The following VIRMA variants were observed in gnomAD, a reference collection of about 807,000 sequenced individuals.
VIRMA encodes protein virilizer homolog.
In VIRMA, 65 loss-of-function variants were observed where a neutral mutation model predicts 182.4. That is an observed-to-expected ratio of 0.36 (90% CI 0.29 to 0.44). The LOEUF (loss-of-function observed/expected upper bound fraction) is 0.44, where lower values mean the gene tolerates loss of function less well. Ranked by LOEUF, VIRMA falls within the 20% of genes least tolerant of loss-of-function variation. VIRMA has a pLI of 1.00. For synonymous variants in VIRMA, 709 were observed against 743.1 expected (o/e 0.95, Z 0.75); for missense variants, 1,752 against 2,158.1 (o/e 0.81, Z 3.73).
At position 94,506,510 on chromosome 8, in the gene VIRMA, G is replaced by A. The variant is rs1209934036; in HGVS notation, c.4087C>T (p.His1363Tyr). 1.0e-5 allele frequency: 16 copies of A among 1,598,654 alleles called. 1 individual carries two copies. In the East Asian group the frequency reaches 3.6e-4, roughly 36 times the overall value. The change falls in exon 16 of 24, where the codon CAT (histidine) becomes TAT (tyrosine). Residue 1363 changes from histidine to tyrosine, a missense_variant. His to Tyr is a moderately conservative substitution (Grantham distance 83). Around this residue, in one of 11 missense-constraint regions of VIRMA, gnomAD observed 777 missense variants for 920.6 expected, o/e 0.84. Coordinates refer to ENST00000297591, the MANE Select transcript of VIRMA (RefSeq NM_015496.5). ...TAGACAAATCATTACCTTTTTAAAT[G>A]AAATAATCCATAATCATGCTCTGCA... is the stretch of plus-strand genomic sequence containing the variant. ...FLAEHDYGLF[H>Y]LKSSLRKNSS...
intron 2 of VIRMA, among the ~76,000 whole-genome samples, chr8:94,540,598 A>G (rs1815514418): frequency 6.6e-6 from 1 of 151,682 alleles, no homozygotes; most frequent in Admixed American, 6.6e-5. Flanking sequence ...AGTAGCTGAG[A>G]CTACAGGCAC....
At chr8:94,536,722 G>A (rs1241087876) in intron 4 of VIRMA, among the ~76,000 whole-genome samples, 1 of 152,222 alleles carries the variant, frequency 6.6e-6, no homozygotes, top group Non-Finnish European at 1.5e-5. Flanking sequence ...GCTCACGCCT[G>A]TAATCCTAGC....
At chr8:94,489,528 C>T (rs981577067) in intron 23 of VIRMA, among the ~76,000 whole-genome samples, 1 of 152,138 alleles carries the variant, frequency 6.6e-6, no homozygotes, top group African/African-American at 2.4e-5. Flanking sequence ...ACCTCTGCTG[C>T]TCCTAAGAAA....
chr8:94,540,411 C>CCAACAACTCTA (rs1554560292), intron 2 of VIRMA, among the ~76,000 whole-genome samples: 1 of 151,748 alleles, frequency 6.6e-6, no homozygotes, highest in Non-Finnish European at 1.5e-5. Context: ...TCATATGCAC[C>CCAACAACTCTA]CAACAACTCT....
chr8:94,488,940 C>T (rs1335611362), intron 23 of VIRMA, 80 bp from the exon 24 acceptor site: 3 of 1,464,172 alleles, frequency 2.0e-6, no homozygotes, highest in Non-Finnish European at 2.8e-6. Context: ...CGACACTGAG[C>T]TCAAACCAAG....
intron 6 of VIRMA, 139 bp from the exon 7 acceptor site, chr8:94,529,481 T>C: frequency 1.6e-6 from 1 of 608,224 alleles, no homozygotes; most frequent in African/African-American, 1.8e-5. Flanking sequence ...TTACTCACTG[T>C]TTAAAAAATA....
At position 94,495,764 on chromosome 8, in the gene VIRMA, G is replaced by A. The variant is rs1158476020; in HGVS notation, c.4511C>T (p.Ala1504Val). 1 of 1,613,780 alleles carries A rather than the reference G, an allele frequency of 6.2e-7. No individual in the cohort carries two copies. The highest frequency in any genetic ancestry group is 8.5e-7 in the Non-Finnish European group (1 of 1,179,834). Residue 1504 changes from alanine to valine, a missense_variant, in exon 19 of 24, where the codon GCT (alanine) becomes GTT (valine). This residue lies in a region of VIRMA where 777 missense variants were observed against 920.6 expected (regional missense o/e 0.84). Coordinates refer to ENST00000297591, the MANE Select transcript of VIRMA (RefSeq NM_015496.5). ...AAACAGATTCTGAAGAGATTCTGGA[G>A]CTGAAAGTACTGGTTCTACATCCTG... ...SDQDVEPVLS[A>V]PESLQNLFNN...
intron 1 of VIRMA, among the ~76,000 whole-genome samples, chr8:94,548,361 C>A (rs975072817): frequency 4.0e-5 from 6 of 151,004 alleles, no homozygotes. Flanking sequence ...TTAACGTGGG[C>A]AACGGGTGTA....
chr8:94,536,583 T>C (rs1563478767), intron 4 of VIRMA, among the ~76,000 whole-genome samples: 1 of 152,246 alleles, frequency 6.6e-6, no homozygotes, highest in South Asian at 2.1e-4. Context: ...GGCCTCTTCT[T>C]GACTCGAAAG....
intron 19 of VIRMA, 72 bp from the exon 20 acceptor site, chr8:94,495,028 C>G: frequency 2.0e-6 from 2 of 1,025,088 alleles, no homozygotes; most frequent in South Asian, 1.3e-5. Context: ...TTTTGAGACA[C>G]AGTCTTGCTG....
chr8:94,503,645 T>C (rs554087762), intron 16 of VIRMA, among the ~76,000 whole-genome samples: 7 of 152,142 alleles, frequency 4.6e-5, no homozygotes, highest in East Asian at 1.9e-4. Context: ...TAGTTAATAG[T>C]AGTATGACAA....
chr8:94,539,665 T>C (rs1482772048), intron 2 of VIRMA, among the ~76,000 whole-genome samples: 1 of 152,120 alleles, frequency 6.6e-6, no homozygotes, highest in Non-Finnish European at 1.5e-5. Flanking sequence ...GCAATAAAAT[T>C]CAGGAGACTA....
At chr8:94,490,906 C>T (rs1031209640) in intron 22 of VIRMA, among the ~76,000 whole-genome samples, 1 of 151,742 alleles carries the variant, frequency 6.6e-6, no homozygotes, top group African/African-American at 2.4e-5. Flanking sequence ...AGAAAACAAG[C>T]AGATTAGGCA....
chr8:94,489,132 G>A (rs764138611), intron 23 of VIRMA, among the ~76,000 whole-genome samples: 1 of 151,936 alleles, frequency 6.6e-6, no homozygotes, highest in Non-Finnish European at 1.5e-5. Flanking sequence ...TAAAATTCTG[G>A]ACTAGATAAA....
At chr8:94,545,751 A>G (rs538169323) in intron 1 of VIRMA, among the ~76,000 whole-genome samples, 121 of 152,288 alleles carry the variant, frequency 7.9e-4, no homozygotes, top group Admixed American at 2.2e-3. Flanking sequence ...AAAAGAGAAC[A>G]TGGAACATTC....
At chr8:94,507,131 GTT>G (rs1288011971) in intron 15 of VIRMA, among the ~76,000 whole-genome samples, 1 of 126,386 alleles carries the variant, frequency 7.9e-6, no homozygotes, top group Non-Finnish European at 1.6e-5. Flanking sequence ...GAGAAATAAA[GTT>G]TTTCTTTTTT....
At chr8:94,522,215 T>C (rs1254379597) in intron 8 of VIRMA, among the ~76,000 whole-genome samples, 2 of 152,068 alleles carry the variant, frequency 1.3e-5, no homozygotes, top group African/African-American at 2.4e-5. Context: ...TATTTAAAAA[T>C]AAAAAATAAA....
chr8:94,505,292 A>C (rs1814115665), intron 16 of VIRMA, among the ~76,000 whole-genome samples: 1 of 152,188 alleles, frequency 6.6e-6, no homozygotes, highest in Non-Finnish European at 1.5e-5. Context: ...AATGAGAAAG[A>C]GGCAAAAGTA....
chr8:94,517,038 A>C (rs1421506739), intron 10 of VIRMA, among the ~76,000 whole-genome samples: 1 of 152,212 alleles, frequency 6.6e-6, no homozygotes, highest in Non-Finnish European at 1.5e-5. Flanking sequence ...CATTCGATAC[A>C]CATTTATATA....
Sources: gnomAD v4.1 joint callset for allele counts (sites outside exome capture counted in the v4.1 genomes callset) on GRCh38, gnomAD v4.1.1 for gene constraint, gnomAD v4.1.1 regional missense constraint, MANE v1.5 for transcripts, NCBI Gene and HGNC (gene_info 2026-07-23, HGNC 2026-07-21) for gene names.